Variants in MUCL1 observed in about 807,000 individuals in gnomAD.
MUCL1 encodes the protein mucin like 1.
A neutral mutation model predicts 9.2 loss-of-function variants in MUCL1; 11 were observed. The observed-to-expected ratio is 1.19, with a 90% CI of 0.75 to 1.97. The LOEUF is 1.97. Among genes scored for constraint, MUCL1 ranks in the 30% most tolerant of loss-of-function variants. The probability of loss-of-function intolerance (pLI) is 0.00; values close to 1 mark genes in which losing one functional copy is unlikely to be tolerated. For synonymous variants in MUCL1, 48 were observed against 40.5 expected (o/e 1.19, Z -0.71); for missense variants, 144 against 110.9 (o/e 1.30, Z -1.34).
chr12:54,836,839 C>T (rs1410268042), upstream of MUCL1, among the ~76,000 whole-genome samples: 13 of 152,084 alleles, frequency 8.5e-5, no homozygotes, highest in Non-Finnish European at 1.9e-4. Flanking sequence ...CATTGTTAAC[C>T]TCAAAATCAT....
At chr12:54,851,984 T>C (rs1185964857), upstream of MUCL1, among the ~76,000 whole-genome samples, 8 of 152,024 alleles carry the variant, frequency 5.3e-5, no homozygotes, top group Non-Finnish European at 1.2e-4. Context: ...GAACTACAAA[T>C]CACTGCTCAA....
At chr12:54,847,473 G>T (rs1480980900) in intron 1 of MUCL1, among the ~76,000 whole-genome samples, 1 of 152,138 alleles carries the variant, frequency 6.6e-6, no homozygotes, top group African/African-American at 2.4e-5. Context: ...AAATTAGCCT[G>T]TCATGGCGGT....
At chr12:54,835,711 A>T (rs539144849), upstream of MUCL1, among the ~76,000 whole-genome samples, 6 of 149,154 alleles carry the variant, frequency 4.0e-5, no homozygotes, top group South Asian at 1.3e-3. Context: ...CTGACTGTGG[A>T]TTTGTCATAT....
upstream of MUCL1, among the ~76,000 whole-genome samples, chr12:54,838,447 G>C (rs1959197019): frequency 6.6e-6 from 1 of 152,078 alleles, no homozygotes; most frequent in Non-Finnish European, 1.5e-5. Context: ...GGTGTTCTTT[G>C]AGCTTCTTAT....
intron 3 of MUCL1, 38 bp downstream of exon 3, chr12:54,856,930 G>A (rs10876639): frequency 0.42 from 683,212 of 1,611,680 alleles, 152,665 homozygotes; most frequent in East Asian, 0.71. Flanking sequence ...TCCTTTATGT[G>A]GCTCCTTGAT....
chr12:54,839,343 T>G, upstream of MUCL1: 2 of 700,520 alleles, frequency 2.9e-6, no homozygotes, highest in Non-Finnish European at 5.2e-6. Flanking sequence ...ACTTATTTAT[T>G]TATTAATTTT....
intron 1 of MUCL1, among the ~76,000 whole-genome samples, chr12:54,841,124 T>A (rs772679407): frequency 2.0e-5 from 3 of 152,246 alleles, no homozygotes; most frequent in Non-Finnish European, 2.9e-5. Flanking sequence ...CTAAGCATAA[T>A]GTCCTCCAGG....
intron 1 of MUCL1, among the ~76,000 whole-genome samples, chr12:54,841,970 C>A (rs1316541275): frequency 5.3e-5 from 8 of 152,064 alleles, no homozygotes; most frequent in Admixed American, 5.2e-4. Flanking sequence ...AGTATTAGAG[C>A]AATTTCTGTA....
intron 1 of MUCL1, chr12:54,839,586 G>A: frequency 1.5e-6 from 1 of 682,704 alleles, no homozygotes; most frequent in South Asian, 1.6e-5. Flanking sequence ...CAAGTCGCAG[G>A]AAAATGATTT....
intron 3 of MUCL1, 37 bp downstream of exon 3, chr12:54,856,929 T>A: frequency 6.2e-7 from 1 of 1,612,974 alleles, no homozygotes; most frequent in Non-Finnish European, 8.5e-7. Flanking sequence ...TTCCTTTATG[T>A]GGCTCCTTGA....
chr12:54,857,586 A>T (rs1190274252), intron 3 of MUCL1, among the ~76,000 whole-genome samples: 1 of 152,176 alleles, frequency 6.6e-6, no homozygotes, highest in Non-Finnish European at 1.5e-5. Flanking sequence ...TAAATATCAC[A>T]GTCATTCTAT....
chr12:54,842,069 C>T (rs1308103053), intron 1 of MUCL1, among the ~76,000 whole-genome samples: 2 of 152,010 alleles, frequency 1.3e-5, no homozygotes, highest in Non-Finnish European at 2.9e-5. Flanking sequence ...AACAAATTCC[C>T]TACAATTTAT....
At chr12:54,837,789 CAA>C (rs141375569), upstream of MUCL1, among the ~76,000 whole-genome samples, 1 of 151,758 alleles carries the variant, frequency 6.6e-6, no homozygotes, top group Non-Finnish European at 1.5e-5. Flanking sequence ...AAAACAAAAA[CAA>C]AAAAAATCAA....
chr12:54,834,036 G>A (rs114869484), intron 1 of MUCL1, among the ~76,000 whole-genome samples: 7 of 152,184 alleles, frequency 4.6e-5, no homozygotes, highest in East Asian at 1.9e-4. Context: ...CTCTGAATGC[G>A]TGGCTTGAAT....
Position 54,858,177 on chromosome 12 carries a change from T to C in MUCL1, c.224-16T>C, listed in dbSNP as rs960317765. ...CCTTTGTCGAAGCCCCTTGACAATA[T>C]TTTTTTCTCTTGCAGTTTTACCCAA... On this transcript the variant is annotated splice_polypyrimidine_tract_variant and intron_variant, in intron 3 of 3. Transcript: ENST00000308796. The C allele has an allele frequency of 2.5e-6, 4 of 1,612,706 alleles. No individual in the cohort carries two copies. Among genetic ancestry groups the C allele is most frequent in the Non-Finnish European group, 3.4e-6 (4 of 1,179,084 alleles).
At chr12:54,850,848 C>T (rs1201595285), upstream of MUCL1, among the ~76,000 whole-genome samples, 3 of 152,156 alleles carry the variant, frequency 2.0e-5, no homozygotes, top group Non-Finnish European at 4.4e-5. Context: ...TAATGATTGC[C>T]ATTCTAACTG....
chr12:54,840,582 G>A (rs773659653), intron 1 of MUCL1, among the ~76,000 whole-genome samples: 41 of 152,158 alleles, frequency 2.7e-4, no homozygotes, highest in Non-Finnish European at 2.6e-4. Context: ...TAAAGTTTCC[G>A]CAAGTTTCTG....
upstream of MUCL1, among the ~76,000 whole-genome samples, chr12:54,854,160 G>A (rs889255656): frequency 9.2e-5 from 14 of 152,178 alleles, no homozygotes; most frequent in African/African-American, 3.4e-4. Flanking sequence ...GTAAGTGTAT[G>A]ACTCCTAGAA....
Position 54,858,306 on chromosome 12 carries a change from C to A in MUCL1, c.*64C>A. 1 of 1,583,464 alleles carries A rather than the reference C, an allele frequency of 6.3e-7. No homozygotes were observed. The highest frequency in any genetic ancestry group is 8.7e-7 in the Non-Finnish European group (1 of 1,152,494). On this transcript the variant is annotated 3_prime_UTR_variant, in exon 4 of 4. Transcript: ENST00000308796. ...TATTCATGCTTCCTGTGATTTCATC[C>A]AACTACTTACCTTGCCTACGATATC...
Sources: gnomAD v4.1 joint callset for allele counts (sites outside exome capture counted in the v4.1 genomes callset) on GRCh38, gnomAD v4.1.1 for gene constraint, MANE v1.5 for transcripts, NCBI Gene and HGNC (gene_info 2026-07-23, HGNC 2026-07-21) for gene names.